The following PSMD14 variants were observed in gnomAD, a reference collection of about 807,000 sequenced individuals.
PSMD14 encodes the protein ubiquitin C-terminal hydrolase PSMD14.
PSMD14 carries 7 observed loss-of-function variants against 41.2 expected under a neutral mutation model. The ratio of observed to expected loss-of-function variants is 0.17; its 90% CI spans 0.10 to 0.32. PSMD14 has a LOEUF of 0.32. Among genes scored for constraint, PSMD14 ranks in the 10% least tolerant of loss-of-function variants. PSMD14 has a pLI of 1.00. For missense variants in PSMD14, 139 were observed against 375.6 expected, an observed-to-expected ratio of 0.37 and a Z score of 5.21; for synonymous variants, 114 against 122.3, an observed-to-expected ratio of 0.93 and a Z score of 0.45.
chr2:161,317,866 T>G (rs1574113010), intron 2 of PSMD14, among the ~76,000 whole-genome samples: 1 of 152,330 alleles, frequency 6.6e-6, no homozygotes, highest in East Asian at 1.9e-4. Flanking sequence ...AGGAATTTCA[T>G]TTAGGACATA....
At chr2:161,377,019 GGTCA>G (rs1214670008) in intron 7 of PSMD14, among the ~76,000 whole-genome samples, 2 of 149,624 alleles carry the variant, frequency 1.3e-5, no homozygotes, top group Non-Finnish European at 3.0e-5. Context: ...TGATTGACAA[GGTCA>G]GTTAGCCAGT....
chr2:161,393,191 T>C (rs1683738239), intron 9 of PSMD14, among the ~76,000 whole-genome samples: 1 of 152,170 alleles, frequency 6.6e-6, no homozygotes. Context: ...TGTTGCTCCT[T>C]GGGAACTGTC....
At chr2:161,393,971 A>ATTTTTTTTTTTTTTTTTTTTTTTT (rs11452254) in intron 9 of PSMD14, among the ~76,000 whole-genome samples, 1 of 100,892 alleles carries the variant, frequency 9.9e-6, no homozygotes. Flanking sequence ...ACACTAGATA[A>ATTTTTTTTTTTTTTTTTTTTTTTT]TTTTTTTTTT....
At chr2:161,392,859 TATAA>T (rs1683731392) in intron 9 of PSMD14, among the ~76,000 whole-genome samples, 1 of 152,212 alleles carries the variant, frequency 6.6e-6, no homozygotes, top group South Asian at 2.1e-4. Flanking sequence ...TCATTCAGAA[TATAA>T]ATATTTTATC....
rs371834206 is a variant in PSMD14, at chr2:161,404,071, AT to A, written c.772-4755del. 2.6e-3 allele frequency among the ~76,000 whole-genome samples: 368 copies of A among 142,838 alleles called. 2 individuals are homozygous for A. The highest frequency in any genetic ancestry group is 7.5e-3 in the South Asian group (34 of 4,508). The allele number at this position is 142,838 out of a possible 152,430, so 93.7% of individuals were successfully genotyped here. ...CAAGCACTCACCACTATGCCTGGCT[AT>A]TTTTTTTTTTCTTTTAAGATACAAA... On this transcript the variant is annotated intron_variant, in intron 10 of 11. Coordinates refer to ENST00000409682, the MANE Select transcript of PSMD14 (RefSeq NM_005805.6).
chr2:161,381,098 A>AT (rs1321861444), intron 7 of PSMD14, among the ~76,000 whole-genome samples: 1 of 151,456 alleles, frequency 6.6e-6, no homozygotes, highest in Non-Finnish European at 1.5e-5. Context: ...TAGTAACTGA[A>AT]TTTTTACTTT....
At chr2:161,352,199 A>T (rs7595718) in intron 3 of PSMD14, among the ~76,000 whole-genome samples, 1 of 152,086 alleles carries the variant, frequency 6.6e-6, no homozygotes, top group Admixed American at 6.6e-5. Flanking sequence ...TATATCAGTG[A>T]TTTTCAACCT....
At chr2:161,371,039 T>C in intron 6 of PSMD14, 133 bp from the exon 7 acceptor site, 1 of 993,282 alleles carries the variant, frequency 1.0e-6, no homozygotes, top group Non-Finnish European at 1.5e-6. Context: ...TCAGGGTTTC[T>C]AATGGTGCTT....
At chr2:161,372,779 T>C (rs1430038111) in intron 7 of PSMD14, among the ~76,000 whole-genome samples, 1 of 151,996 alleles carries the variant, frequency 6.6e-6, no homozygotes. Context: ...CGTAAGTAAT[T>C]CATTTAAGTA....
chr2:161,323,911 A>G (rs1347666199), intron 3 of PSMD14, among the ~76,000 whole-genome samples: 4 of 139,626 alleles, frequency 2.9e-5, no homozygotes, highest in Admixed American at 7.6e-5. Context: ...ATATGTTGCC[A>G]TAATTTGGCT....
chr2:161,391,462 T>G (rs1430327222), intron 9 of PSMD14, among the ~76,000 whole-genome samples: 1 of 152,178 alleles, frequency 6.6e-6, no homozygotes, highest in East Asian at 1.9e-4. Context: ...TTCTTTTAGT[T>G]CTGTGATTTT....
chr2:161,404,851 A>G (rs776798917), intron 10 of PSMD14, among the ~76,000 whole-genome samples: 3 of 152,142 alleles, frequency 2.0e-5, no homozygotes, highest in Non-Finnish European at 4.4e-5. Flanking sequence ...TGCCTTTGCT[A>G]TGAGCATTTC....
intron 7 of PSMD14, chr2:161,382,089 TTGTC>T (rs946088877): frequency 1.3e-5 from 2 of 151,856 alleles, no homozygotes; most frequent in Non-Finnish European, 2.9e-5. Flanking sequence ...ATTCACAAAT[TTGTC>T]TGATAACAGA....
intron 10 of PSMD14, among the ~76,000 whole-genome samples, chr2:161,398,432 CTTGA>C (rs1432835442): frequency 6.6e-6 from 1 of 152,022 alleles, no homozygotes; most frequent in Non-Finnish European, 1.5e-5. Flanking sequence ...ACAAATTCTG[CTTGA>C]TTATTATTAG....
intron 11 of PSMD14, among the ~76,000 whole-genome samples, chr2:161,410,515 T>C (rs1180473375): frequency 6.6e-6 from 1 of 152,044 alleles, no homozygotes; most frequent in African/African-American, 2.4e-5. Context: ...AAATACTTAA[T>C]TCTGCCTAAA....
chr2:161,324,621 TTTTC>T (rs1273272781), intron 3 of PSMD14, among the ~76,000 whole-genome samples: 9 of 151,846 alleles, frequency 5.9e-5, no homozygotes, highest in South Asian at 2.1e-4. Context: ...TTCATGAAGA[TTTTC>T]TTTCTTTCTT....
rs550655314 is a variant in PSMD14 at position 161,325,989 on chromosome 2, A to T, written c.48+7116A>T. 2.6e-4 allele frequency among the ~76,000 whole-genome samples: 39 copies of T among 152,340 alleles called. No homozygotes were observed. The South Asian group carries it at 7.7e-3, about 30-fold the overall frequency. On this transcript the variant is annotated intron_variant, in intron 3 of 11. Transcript: ENST00000409682. ...ATTCCTGCCTTATTCTATACAAAAA[A>T]AAATTTGTACCAAATGGATTGAATA...
chr2:161,321,921 A>G (rs1287162724), intron 3 of PSMD14, among the ~76,000 whole-genome samples: 2 of 152,072 alleles, frequency 1.3e-5, no homozygotes, highest in Non-Finnish European at 2.9e-5. Context: ...CCGAGTTTTT[A>G]TTGGGACTCG....
chr2:161,368,144 C>T (rs1489411090), intron 5 of PSMD14, among the ~76,000 whole-genome samples: 5 of 151,890 alleles, frequency 3.3e-5, no homozygotes, highest in African/African-American at 9.7e-5. Context: ...CTCAGTCCTT[C>T]GGCTTAAACT....
Sources: allele counts gnomAD v4.1 joint callset (sites outside exome capture counted in the v4.1 genomes callset), GRCh38; gene constraint gnomAD v4.1.1; transcripts MANE v1.5; gene names NCBI Gene and HGNC (gene_info 2026-07-23, HGNC 2026-07-21).